BRINP3: variants seen among roughly 807,000 people sequenced by gnomAD.
BRINP3 encodes BMP/retinoic acid inducible neural specific 3.
A neutral mutation model predicts 71.0 loss-of-function variants in BRINP3; 19 were observed. The ratio of observed to expected loss-of-function variants is 0.27; its 90% confidence interval spans 0.19 to 0.39. The LOEUF (loss-of-function observed/expected upper bound fraction) is 0.39. Among genes scored for constraint, BRINP3 ranks in the 10% least tolerant of loss-of-function variants. The probability of loss-of-function intolerance (pLI) is 1.00; values close to 1 mark genes in which losing one functional copy is unlikely to be tolerated. For synonymous variants in BRINP3, 380 were observed against 337.7 expected (o/e 1.13, Z -1.37); for missense variants, 959 against 940.8 (o/e 1.02, Z -0.25).
At chr1:190,123,534 C>T (rs1653852380) in intron 7 of BRINP3, among the ~76,000 whole-genome samples, 1 of 152,074 alleles carries the variant, frequency 6.6e-6, no homozygotes, top group African/African-American at 2.4e-5. Flanking sequence ...TCTGTAAGTA[C>T]TTAGTACAAC....
rs113206948 is a variant in BRINP3 at position 190,384,357 on chromosome 1, CTG to C, written c.236+70296_236+70297del. Among the ~76,000 whole-genome samples the C allele has an allele frequency of 5.2e-3, 795 of 151,762 alleles. 8 individuals carry two copies. The highest frequency in any genetic ancestry group is 0.018 in the African/African-American group (741 of 41,482). On this transcript the variant is annotated intron_variant, in intron 2 of 7. Coordinates refer to ENST00000367462, the MANE Select transcript of BRINP3 (RefSeq NM_199051.3). The stretch of plus-strand genomic sequence containing the variant: ...ACATTTTGCTTCTAGGAAAATCAAA[CTG>C]TAATTAATTCATTATTTTAAGTAAT...
intron 3 of BRINP3, among the ~76,000 whole-genome samples, chr1:190,269,874 T>A (rs1036322280): frequency 6.6e-6 from 1 of 151,954 alleles, no homozygotes; most frequent in Non-Finnish European, 1.5e-5. Flanking sequence ...TACTCCACAA[T>A]CCTACTTTTT....
chr1:190,474,143 C>T (rs759623683), intron 1 of BRINP3, among the ~76,000 whole-genome samples: 1 of 152,122 alleles, frequency 6.6e-6, no homozygotes, highest in Non-Finnish European at 1.5e-5. Flanking sequence ...CTACCCTTCC[C>T]ATTTCTTCCT....
rs1165689592 is a variant in BRINP3 at position 190,153,461 on chromosome 1, A to G, written c.1184+7207T>C. ...CCATTTCTCAATAACAACATTTAAT[A>G]CATAAATGTAAGGGTTTGTAAATTT... is the stretch of plus-strand genomic sequence containing the variant. On this transcript the variant is annotated intron_variant, in intron 7 of 7. Transcript: ENST00000367462. Among the ~76,000 whole-genome samples the G allele has an allele frequency of 3.3e-5, 5 of 152,162 alleles. No homozygotes were observed. The South Asian group carries it at 1.0e-3, about 32-fold the overall frequency.
intron 2 of BRINP3, among the ~76,000 whole-genome samples, chr1:190,408,206 T>A (rs953959898): frequency 2.7e-4 from 8 of 30,170 alleles, no homozygotes; most frequent in Admixed American, 4.7e-4. Flanking sequence ...TTTATTTATT[T>A]TTTTTTTTTT....
chr1:190,370,768 C>G (rs1011599040), intron 2 of BRINP3, among the ~76,000 whole-genome samples: 3 of 152,178 alleles, frequency 2.0e-5, no homozygotes, highest in Non-Finnish European at 4.4e-5. Context: ...AGAGCCAAGC[C>G]TAGAGTGTTC....
intron 7 of BRINP3, among the ~76,000 whole-genome samples, chr1:190,159,791 A>G (rs550736923): frequency 4.0e-5 from 6 of 151,634 alleles, no homozygotes; most frequent in African/African-American, 1.4e-4. Context: ...TTTTTTTTTT[A>G]TACTAGACAC....
At chr1:190,212,181 A>C (rs1656044620) in intron 6 of BRINP3, among the ~76,000 whole-genome samples, 1 of 152,112 alleles carries the variant, frequency 6.6e-6, no homozygotes, top group African/African-American at 2.4e-5. Flanking sequence ...TGATTGTCAA[A>C]AACCTTTACC....
chr1:190,376,517 T>C (rs1470096744), intron 2 of BRINP3, among the ~76,000 whole-genome samples: 1 of 152,078 alleles, frequency 6.6e-6, no homozygotes, highest in African/African-American at 2.4e-5. Context: ...GCTGTAAGCT[T>C]TGTTTTATTC....
Position 190,226,109 on chromosome 1 carries a change from C to A in BRINP3, c.934G>T (p.Ala312Ser). The A allele has an allele frequency of 6.2e-7, 1 of 1,604,146 alleles. No individual in the cohort carries two copies. The highest frequency in any genetic ancestry group is 8.5e-7 in the Non-Finnish European group (1 of 1,174,316). Residue 312 changes from alanine (A) to serine (S), a missense_variant, in exon 6 of 8, where the codon GCT (alanine) becomes TCT (serine). By Grantham distance (99) the Ala-to-Ser change is moderately conservative. Transcript: ENST00000367462. ...GATTCCTCAAAGTCACTGTTGTAAG[C>A]TTTCCAGGTTTCAGTTATTCGAAGA... is the stretch of plus-strand genomic sequence containing the variant. ...NLLRITETWK[A>S]YNSDFEESDE...
Position 190,098,425 on chromosome 1 carries a change from G to A in BRINP3, c.1894C>T (p.Arg632Cys). 6.2e-7 allele frequency: 1 copy of A among 1,614,086 alleles called. No homozygotes were observed. Among genetic ancestry groups the A allele is most frequent in the Non-Finnish European group, 8.5e-7 (1 of 1,180,038 alleles). Residue 632 changes from arginine to cysteine, a missense_variant, in exon 8 of 8, where the codon CGC becomes TGC. By Grantham distance (180) the Arg-to-Cys change is radical. Coordinates refer to ENST00000367462, the MANE Select transcript of BRINP3 (RefSeq NM_199051.3). ...CCATTGGGACCATTGGACTTGATGC[G>A]ACTTCTCAGGTAGATGTGTACTGTC... ...FETVHIYLRS[R>C]IKSNGPNGNE...
intron 2 of BRINP3, among the ~76,000 whole-genome samples, chr1:190,322,370 C>A (rs577124988): frequency 4.9e-4 from 74 of 152,112 alleles, no homozygotes; most frequent in African/African-American, 1.7e-3. Flanking sequence ...TCAGTTTTGC[C>A]TGAGAACAAA....
intron 2 of BRINP3, among the ~76,000 whole-genome samples, chr1:190,317,377 C>A (rs1014567476): frequency 6.6e-6 from 1 of 151,966 alleles, no homozygotes; most frequent in Non-Finnish European, 1.5e-5. Flanking sequence ...GCCTTGTCTT[C>A]AATTTCATGG....
At chr1:190,464,971 C>A (rs536843457) in intron 1 of BRINP3, among the ~76,000 whole-genome samples, 1 of 151,926 alleles carries the variant, frequency 6.6e-6, no homozygotes, top group East Asian at 1.9e-4. Context: ...CTACTTCATC[C>A]TGTCAATACA....
chr1:190,250,876 A>T (rs950749414), intron 4 of BRINP3, among the ~76,000 whole-genome samples: 1 of 151,920 alleles, frequency 6.6e-6, no homozygotes, highest in Admixed American at 6.6e-5. Context: ...GTACATTTTC[A>T]TAAGTTTTAA....
At chr1:190,320,367 G>T (rs1666158264) in intron 2 of BRINP3, among the ~76,000 whole-genome samples, 1 of 152,004 alleles carries the variant, frequency 6.6e-6, no homozygotes, top group African/African-American at 2.4e-5. Context: ...TTTACACAAT[G>T]AACATTGTTA....
At chr1:190,464,757 A>C (rs764608221) in intron 1 of BRINP3, among the ~76,000 whole-genome samples, 3 of 151,816 alleles carry the variant, frequency 2.0e-5, no homozygotes, top group Non-Finnish European at 4.4e-5. Context: ...CTTGTCTTCA[A>C]TCATATTATA....
chr1:190,132,637 A>G (rs1331862364), intron 7 of BRINP3, among the ~76,000 whole-genome samples: 1 of 152,104 alleles, frequency 6.6e-6, no homozygotes, highest in Non-Finnish European at 1.5e-5. Flanking sequence ...ATGTGCATTT[A>G]TTCAGAACTT....
intron 2 of BRINP3, among the ~76,000 whole-genome samples, chr1:190,350,996 G>T (rs770959501): frequency 4.0e-5 from 6 of 151,636 alleles, no homozygotes; most frequent in Non-Finnish European, 5.9e-5. Flanking sequence ...CTAATTTTGG[G>T]GTTTTTCCAT....
Sources: gnomAD v4.1 joint callset for allele counts (sites outside exome capture counted in the v4.1 genomes callset) on GRCh38, gnomAD v4.1.1 for gene constraint, MANE v1.5 for transcripts, NCBI Gene and HGNC (gene_info 2026-07-23, HGNC 2026-07-21) for gene names.